The following CORO1B variants were observed in gnomAD, a reference collection of about 807,000 sequenced individuals.
CORO1B encodes coronin 1B.
A neutral mutation model predicts 51.1 loss-of-function variants in CORO1B; 30 were observed. The ratio of observed to expected loss-of-function variants is 0.59; its 90% CI spans 0.44 to 0.80. CORO1B has a LOEUF of 0.80. Among genes scored for constraint, CORO1B ranks in the 30% least tolerant of loss-of-function variants. The pLI, the probability that CORO1B is intolerant of heterozygous loss-of-function variation, is 0.00. For synonymous variants in CORO1B, 310 were observed against 289.7 expected (o/e 1.07, Z -0.71); for missense variants, 648 against 700.4 (o/e 0.93, Z 0.84).
Position 67,436,457 on chromosome 11 carries a change from C to G in CORO1B, c.*1919G>C. 2 of 1,293,136 alleles carry G rather than the reference C, an allele frequency of 1.5e-6. No homozygotes were observed. Among genetic ancestry groups the G allele is most frequent in the South Asian group, 3.3e-5 (2 of 60,630 alleles). The allele number at this position is 1,293,136 out of a possible 1,614,324, so 80.1% of individuals were successfully genotyped here. On this transcript the variant is annotated 3_prime_UTR_variant, in exon 11 of 11. Transcript: ENST00000341356. ...CTTTCGTTTTTTTCTCTTTGGGATC[C>G]TCTTGGGACAGCCAAGCAGAAAAGG...
Position 67,442,530 on chromosome 11 carries a change from A to C in CORO1B, c.99T>G (p.Arg33=). The change falls in exon 2 of 11, where the codon CGT becomes CGG. Residue 33 remains arginine (R), a synonymous_variant. Coordinates refer to ENST00000341356, the MANE Select transcript of CORO1B (RefSeq NM_020441.3). ...DQCYEDIRVS[R]VTWDSTFCAV... ...CGCAGAAGGTGCTGTCCCAGGTAAC[A>C]CGGGACACGCGAATGTCCTCATAGC... The C allele has an allele frequency of 6.2e-7, 1 of 1,613,752 alleles. No individual in the cohort carries two copies. Among genetic ancestry groups the C allele is most frequent in the Non-Finnish European group, 8.5e-7 (1 of 1,179,996 alleles).
chr11:67,440,391 C>T lies in CORO1B; in HGVS notation c.805G>A (p.Gly269Arg), dbSNP rs1338786344. 9 of 1,613,776 alleles carry T rather than the reference C, an allele frequency of 5.6e-6. No individual in the cohort carries two copies. The highest frequency in any genetic ancestry group is 1.7e-5 in the Admixed American group (1 of 60,004). ...MALQELDSSN[G>R]ALLPFYDPDT... ...GGGTCGTAGAAGGGCAGCAGGGCCCCGTTGCTCGAGTCCAGTTCCTGCAGG... is the reference window on the plus strand; with the variant it reads ...GGGTCGTAGAAGGGCAGCAGGGCCCTGTTGCTCGAGTCCAGTTCCTGCAGG... The change falls in exon 7 of 11, where the codon GGG (glycine) becomes AGG (arginine). Residue 269 changes from glycine to arginine, a missense_variant. By Grantham distance (125) the Gly-to-Arg change is moderately radical. Coordinates refer to ENST00000341356, the MANE Select transcript of CORO1B (RefSeq NM_020441.3).
intron 6 of CORO1B, 83 bp from the exon 7 acceptor site, chr11:67,440,522 TAAGGCCAGCCA>T: frequency 7.8e-7 from 1 of 1,287,486 alleles, no homozygotes; most frequent in Non-Finnish European, 1.1e-6. Flanking sequence ...CTGGCCTCAC[TAAGGCCAGCCA>T]GCACTGCCCC....
Position 67,436,167 on chromosome 11 carries a change from C to T in CORO1B, c.*2209G>A. The T allele has an allele frequency of 1.3e-6, 2 of 1,563,726 alleles. No individual in the cohort carries two copies. The highest frequency in any genetic ancestry group is 1.7e-6 in the Non-Finnish European group (2 of 1,154,794). On this transcript the variant is annotated 3_prime_UTR_variant, in exon 11 of 11. Coordinates refer to ENST00000341356, the MANE Select transcript of CORO1B (RefSeq NM_020441.3). ...CCTAGGCGGGCCGGGTGGTAGTAGC[C>T]CCCTGAGTCACGGCTGAGGCGGCGC...
chr11:67,439,802 A>T lies in CORO1B; in HGVS notation c.1049T>A (p.Met350Lys). The change falls in exon 9 of 11, where the codon ATG (methionine) becomes AAG (lysine). Residue 350 changes from methionine (M) to lysine (K), a missense_variant. Transcript: ENST00000341356. ...LHERKCEPIV[M>K]TVPRKSDLFQ... ...CGGCCTCACCTTTCTTGGCACAGTCATGACGATGGGCTCACACTTGCGCTC... is the reference window on the plus strand; with the variant it reads ...CGGCCTCACCTTTCTTGGCACAGTCTTGACGATGGGCTCACACTTGCGCTC... The T allele has an allele frequency of 6.3e-7, 1 of 1,590,232 alleles. No individual in the cohort carries two copies. The highest frequency in any genetic ancestry group is 1.1e-5 in the South Asian group (1 of 87,178).
intron 9 of CORO1B, 68 bp downstream of exon 9, chr11:67,439,718 C>G (rs376691338): frequency 2.0e-5 from 30 of 1,472,506 alleles, no homozygotes; most frequent in Non-Finnish European, 2.8e-5. Flanking sequence ...AGGCCTCGCC[C>G]TGGTCACAAC....
rs1010555224 is a variant in CORO1B, at chr11:67,435,730, C to T, written c.*2646G>A. The stretch of plus-strand genomic sequence containing the variant: ...GACAGGGATGGGACACCAAGACCGG[C>T]CTCTACAGTGCGGTGACATGGAGGC... On this transcript the variant is annotated 3_prime_UTR_variant, in exon 11 of 11. Transcript: ENST00000341356. 2 of 1,516,344 alleles carry T rather than the reference C, an allele frequency of 1.3e-6. No individual in the cohort carries two copies. The highest frequency in any genetic ancestry group is 1.8e-6 in the Non-Finnish European group (2 of 1,135,322). The allele number at this position is 1,516,344 out of a possible 1,614,324, so 93.9% of individuals were successfully genotyped here. A position where few individuals can be genotyped will look rare whatever the true frequency, so the allele number is the denominator to read the frequency against.
In CORO1B at chr11:67,436,004, T is replaced by C; in HGVS notation, c.*2372A>G. 1 of 1,613,748 alleles carries C rather than the reference T, an allele frequency of 6.2e-7. No individual in the cohort carries two copies. Among genetic ancestry groups the C allele is most frequent in the South Asian group, 1.1e-5 (1 of 91,090 alleles). On this transcript the variant is annotated 3_prime_UTR_variant, in exon 11 of 11. Coordinates refer to ENST00000341356, the MANE Select transcript of CORO1B (RefSeq NM_020441.3). Reference sequence around the variant, plus strand: ...AGCCTGCAGGCCACCATCCGCGACGTGGTCATAGTCTGTGTCCTGCTCATC... The same window carrying C: ...AGCCTGCAGGCCACCATCCGCGACGCGGTCATAGTCTGTGTCCTGCTCATC...
Position 67,441,238 on chromosome 11 carries a change from C to T in CORO1B, c.643G>A (p.Glu215Lys). The T allele has an allele frequency of 6.2e-7, 1 of 1,613,092 alleles. No individual in the cohort carries two copies. The highest frequency in any genetic ancestry group is 8.5e-7 in the Non-Finnish European group (1 of 1,179,966). Reference sequence around the variant, plus strand: ...GGCCGGGCCCCCTCATGAGCCTTCTCCCGCTCCTGTCGGGGGGACAGGCTG... The same window carrying T: ...GGCCGGGCCCCCTCATGAGCCTTCTTCCGCTCCTGTCGGGGGGACAGGCTG... ...PRRGTLVAER[E>K]KAHEGARPMR... The change falls in exon 6 of 11, where the codon GAG becomes AAG. Residue 215 changes from glutamate to lysine, a missense_variant. Coordinates refer to ENST00000341356, the MANE Select transcript of CORO1B (RefSeq NM_020441.3).
In CORO1B at chr11:67,441,122, C is replaced by T; in HGVS notation, c.756+3G>A. Reference sequence around the variant, plus strand: ...AGTTTGCCCCCTCAGGCTGGCCACTCACTGGGTCCCAGAGCGCCAGCTGCC... The same window carrying T: ...AGTTTGCCCCCTCAGGCTGGCCACTTACTGGGTCCCAGAGCGCCAGCTGCC... On this transcript the variant is annotated splice_donor_region_variant and intron_variant, in intron 6 of 10. Coordinates refer to ENST00000341356, the MANE Select transcript of CORO1B (RefSeq NM_020441.3). 6.2e-7 allele frequency: 1 copy of T among 1,612,984 alleles called. No homozygotes were observed. The highest frequency in any genetic ancestry group is 8.5e-7 in the Non-Finnish European group (1 of 1,179,996).
chr11:67,439,949 C>A, intron 8 of CORO1B, 106 bp from the exon 9 acceptor site: 1 of 1,442,466 alleles, frequency 6.9e-7, no homozygotes, highest in South Asian at 1.3e-5. Context: ...AGGACCTCCG[C>A]AGGCCGACCC....
Position 67,436,526 on chromosome 11 carries a change from A to T in CORO1B, c.*1850T>A. 1.5e-6 allele frequency: 1 copy of T among 684,880 alleles called. No homozygotes were observed. Among genetic ancestry groups the T allele is most frequent in the Non-Finnish European group, 2.2e-6 (1 of 450,966 alleles). 42.4% of individuals were successfully genotyped at this position (684,880 alleles called of 1,614,324 possible). On this transcript the variant is annotated 3_prime_UTR_variant, in exon 11 of 11. Coordinates refer to ENST00000341356, the MANE Select transcript of CORO1B (RefSeq NM_020441.3). Reference sequence around the variant, plus strand: ...AACCAGGCTCTGGCCCTGTGAGATCAGCCCCCATCCCTCCAGCCTCCTCCC... The same window carrying T: ...AACCAGGCTCTGGCCCTGTGAGATCTGCCCCCATCCCTCCAGCCTCCTCCC...
chr11:67,440,847 A>C (rs774388932), intron 6 of CORO1B: 37 of 659,046 alleles, frequency 5.6e-5, no homozygotes, highest in Non-Finnish European at 9.1e-5. Flanking sequence ...CTGTGCAGGC[A>C]GTGGGTGGTA....
chr11:67,439,475 A>T (rs1367067713), intron 9 of CORO1B, among the ~76,000 whole-genome samples: 1 of 152,026 alleles, frequency 6.6e-6, no homozygotes, highest in Non-Finnish European at 1.5e-5. Flanking sequence ...GCGCCACCCC[A>T]GCTGTGTTAT....
Position 67,439,807 on chromosome 11 carries a change from G to T in CORO1B, c.1044C>A (p.Ile348=). ...YKLHERKCEP[I]VMTVPRKSDL... is the part of the protein sequence containing the mutation. ...TCACCTTTCTTGGCACAGTCATGAC[G>T]ATGGGCTCACACTTGCGCTCATGCA... The change falls in exon 9 of 11, where the codon ATC becomes ATA. Residue 348 remains isoleucine, a synonymous_variant. Coordinates refer to ENST00000341356, the MANE Select transcript of CORO1B (RefSeq NM_020441.3). 6.3e-7 allele frequency: 1 copy of T among 1,590,446 alleles called. No individual in the cohort carries two copies. Among genetic ancestry groups the T allele is most frequent in the East Asian group, 2.3e-5 (1 of 44,108 alleles).
In CORO1B at chr11:67,440,393, T is replaced by C. The variant is rs1864371988; in HGVS notation, c.803A>G (p.Asn268Ser). The C allele has an allele frequency of 6.2e-7, 1 of 1,613,892 alleles. No individual in the cohort carries two copies. Among genetic ancestry groups the C allele is most frequent in the Non-Finnish European group, 8.5e-7 (1 of 1,179,986 alleles). ...GTCGTAGAAGGGCAGCAGGGCCCCG[T>C]TGCTCGAGTCCAGTTCCTGCAGGGC... is the stretch of plus-strand genomic sequence containing the variant. ...PMALQELDSS[N>S]GALLPFYDPD... Residue 268 changes from asparagine to serine, a missense_variant, in exon 7 of 11, where the codon AAC becomes AGC. Physicochemically the swap from Asn to Ser is conservative, Grantham distance 46. Transcript: ENST00000341356.
Position 67,437,334 on chromosome 11 carries a change from G to A in CORO1B, c.*1042C>T. 2.7e-6 allele frequency: 1 copy of A among 367,832 alleles called. No homozygotes were observed. Among genetic ancestry groups the A allele is most frequent in the Non-Finnish European group, 4.8e-6 (1 of 206,306 alleles). The allele number at this position is 367,832 out of a possible 1,614,324, so 22.8% of individuals were successfully genotyped here. ...CCCACCACCCCAGGCTGTCCGCCCA[G>A]GCTCCAGGAATGCAAGTTCCCGCTC... On this transcript the variant is annotated 3_prime_UTR_variant, in exon 11 of 11. Coordinates refer to ENST00000341356, the MANE Select transcript of CORO1B (RefSeq NM_020441.3).
rs1339688476 is a variant in CORO1B, at chr11:67,437,930, A to G, written c.*446T>C. 1 of 371,874 alleles carries G rather than the reference A, an allele frequency of 2.7e-6. No individual in the cohort carries two copies. The highest frequency in any genetic ancestry group is 4.8e-6 in the Non-Finnish European group (1 of 209,010). The allele number at this position is 371,874 out of a possible 1,614,324, so 23.0% of individuals were successfully genotyped here. A position where few individuals can be genotyped will look rare whatever the true frequency, so the allele number is the denominator to read the frequency against. On this transcript the variant is annotated 3_prime_UTR_variant, in exon 11 of 11. Coordinates refer to ENST00000341356, the MANE Select transcript of CORO1B (RefSeq NM_020441.3). ...CCCTGCCTGACAATCCAGGGGAGCA[A>G]TGCCTGTGGGGCTGCTCACTGCCCC...
chr11:67,438,226 C>CGGCCTG lies in CORO1B; in HGVS notation c.*144_*149dup. ...AGTGAGGAAAGCTGGGCGCTGGCTTCGGCCTGGGCCTGGGACGGGTGGGGG... is the reference window on the plus strand; with the variant it reads ...AGTGAGGAAAGCTGGGCGCTGGCTTCGGCCTGGGCCTGGGCCTGGGACGGGTGGGGG... On this transcript the variant is annotated 3_prime_UTR_variant, in exon 11 of 11. Coordinates refer to ENST00000341356, the MANE Select transcript of CORO1B (RefSeq NM_020441.3). 1.0e-6 allele frequency: 1 copy of CGGCCTG among 988,614 alleles called. No individual in the cohort carries two copies. The highest frequency in any genetic ancestry group is 1.5e-6 in the Non-Finnish European group (1 of 686,020). The allele number at this position is 988,614 out of a possible 1,614,324, so 61.2% of individuals were successfully genotyped here.
Sources: gnomAD v4.1 joint callset for allele counts (sites outside exome capture counted in the v4.1 genomes callset) on GRCh38, gnomAD v4.1.1 for gene constraint, MANE v1.5 for transcripts, NCBI Gene and HGNC (gene_info 2026-07-23, HGNC 2026-07-21) for gene names.